Variants in GRIP1 observed in about 807,000 individuals in gnomAD.
GRIP1 encodes the protein glutamate receptor-interacting protein 1.
A neutral mutation model predicts 129.9 loss-of-function variants in GRIP1; 45 were observed. The ratio of observed to expected loss-of-function variants is 0.35; its 90% CI spans 0.27 to 0.44. GRIP1 has a LOEUF of 0.44. Among genes scored for constraint, GRIP1 ranks in the 20% least tolerant of loss-of-function variants. The probability of loss-of-function intolerance (pLI) is 1.00; values close to 1 mark genes in which losing one functional copy is unlikely to be tolerated. For missense variants in GRIP1, 1,196 were observed against 1,396.8 expected (o/e 0.86, Z 2.29); for synonymous variants, 530 against 520.8 (o/e 1.02, Z -0.24).
chr12:67,030,136 G>A (rs1005686644), intron 1 of GRIP1, among the ~76,000 whole-genome samples: 6 of 151,020 alleles, frequency 4.0e-5, no homozygotes, highest in Admixed American at 6.6e-5. Context: ...GCATGAACCC[G>A]GGAGGCAGAG....
intron 1 of GRIP1, among the ~76,000 whole-genome samples, chr12:66,816,728 T>C (rs2039225123): frequency 6.6e-6 from 1 of 152,160 alleles, no homozygotes; most frequent in Non-Finnish European, 1.5e-5. Flanking sequence ...CTTTTTATCC[T>C]ATATCAATGA....
intron 1 of GRIP1, among the ~76,000 whole-genome samples, chr12:66,910,888 T>C (rs1311369247): frequency 6.6e-6 from 1 of 152,140 alleles, no homozygotes; most frequent in Non-Finnish European, 1.5e-5. Flanking sequence ...TTTTACATAC[T>C]GGATCTCCAG....
chr12:66,591,950 A>G (rs1412642878), intron 2 of GRIP1, among the ~76,000 whole-genome samples: 1 of 152,162 alleles, frequency 6.6e-6, no homozygotes. Flanking sequence ...GAGAGTCTCA[A>G]TAGTAGAACT....
chr12:67,008,063 T>C (rs1252317918), intron 1 of GRIP1, among the ~76,000 whole-genome samples: 1 of 152,210 alleles, frequency 6.6e-6, no homozygotes, highest in African/African-American at 2.4e-5. Flanking sequence ...TCAATCATAA[T>C]AAAAGCTTCT....
chr12:66,852,075 G>T (rs1170150828), intron 1 of GRIP1, among the ~76,000 whole-genome samples: 1 of 151,918 alleles, frequency 6.6e-6, no homozygotes, highest in Non-Finnish European at 1.5e-5. Context: ...TGAACTTTAG[G>T]GGTTTACAGT....
At position 66,608,079 on chromosome 12, in the gene GRIP1, C is replaced by T. The variant is rs375455410; in HGVS notation, c.56-11152G>A. Reference sequence around the variant, plus strand: ...TGCCTTGGGAATAACATATTTCATACACATGACTTGAATTGTCACATATTT... The same window carrying T: ...TGCCTTGGGAATAACATATTTCATATACATGACTTGAATTGTCACATATTT... On this transcript the variant is annotated intron_variant, in intron 1 of 24. Coordinates refer to ENST00000359742, the MANE Select transcript of GRIP1 (RefSeq NM_001366722.1). Among the ~76,000 whole-genome samples, 81 of 152,262 alleles carry T rather than the reference C, an allele frequency of 5.3e-4. 1 individual carries two copies. In the South Asian group the frequency reaches 0.017, roughly 31 times the overall value.
chr12:66,587,717 G>A (rs2063693842), intron 2 of GRIP1, among the ~76,000 whole-genome samples: 1 of 152,214 alleles, frequency 6.6e-6, no homozygotes, highest in Non-Finnish European at 1.5e-5. Flanking sequence ...AGCAAGTAAA[G>A]GATGGGCCAG....
intron 13 of GRIP1, among the ~76,000 whole-genome samples, chr12:66,436,015 G>T (rs566332132): frequency 6.6e-6 from 1 of 152,158 alleles, no homozygotes; most frequent in Non-Finnish European, 1.5e-5. Context: ...AAGAGGAAAA[G>T]GTCCAATATT....
At chr12:66,605,462 CA>C (rs1329605476) in intron 1 of GRIP1, among the ~76,000 whole-genome samples, 65 of 152,184 alleles carry the variant, frequency 4.3e-4, no homozygotes, top group Middle Eastern at 3.4e-3. Flanking sequence ...GGAAAACAAG[CA>C]GCAGCAAAAT....
At chr12:66,720,921 C>T (rs77684971) in intron 1 of GRIP1, among the ~76,000 whole-genome samples, 3 of 152,198 alleles carry the variant, frequency 2.0e-5, no homozygotes, top group Non-Finnish European at 4.4e-5. Context: ...GTTCTGACTG[C>T]CATCTAGAAT....
At chr12:66,707,720 C>G (rs1274692511) in intron 1 of GRIP1, among the ~76,000 whole-genome samples, 1 of 151,902 alleles carries the variant, frequency 6.6e-6, no homozygotes, top group Non-Finnish European at 1.5e-5. Context: ...TGAAAGTCTT[C>G]ATAATTCAAC....
chr12:66,355,844 TC>T (rs1451405355), intron 23 of GRIP1, among the ~76,000 whole-genome samples: 1 of 152,192 alleles, frequency 6.6e-6, no homozygotes, highest in Admixed American at 6.5e-5. Context: ...AAAGGGCTTG[TC>T]CTGCACCTTA....
At chr12:66,654,967 CTTATT>C (rs1385143290) in intron 1 of GRIP1, among the ~76,000 whole-genome samples, 7 of 152,270 alleles carry the variant, frequency 4.6e-5, no homozygotes, top group East Asian at 3.9e-4. Context: ...TTTTTACATT[CTTATT>C]TTATTTTCAT....
intron 2 of GRIP1, among the ~76,000 whole-genome samples, chr12:66,588,294 G>T (rs2063719323): frequency 6.6e-6 from 1 of 151,972 alleles, no homozygotes; most frequent in Non-Finnish European, 1.5e-5. Context: ...CGCCTCCTCG[G>T]TTTCTCCTGG....
rs78785964 is a variant in GRIP1, at chr12:66,761,262, G to A, written c.-420+42791C>T. On this transcript the variant is annotated intron_variant, in intron 1 of 4. Transcript: ENST00000538373. ...CTTTTCTCCACTCAAAAATTTCCAC[G>A]GATTCTCCCTTGTGTCTTCCAAATT... 8.6e-3 allele frequency among the ~76,000 whole-genome samples: 1,302 copies of A among 151,914 alleles called. 15 individuals carry two copies. Among genetic ancestry groups the A allele is most frequent in the African/African-American group, 0.03 (1,251 of 41,396 alleles).
At chr12:66,585,035 GT>G (rs1030462627) in intron 2 of GRIP1, among the ~76,000 whole-genome samples, 5 of 151,060 alleles carry the variant, frequency 3.3e-5, no homozygotes, top group South Asian at 2.1e-4. Flanking sequence ...TGCCTCTTTT[GT>G]TTTTTTATAT....
chr12:66,681,797 A>T (rs1051613755), upstream of GRIP1, among the ~76,000 whole-genome samples: 4 of 152,164 alleles, frequency 2.6e-5, no homozygotes, highest in African/African-American at 9.7e-5. Context: ...ATACATGAAA[A>T]CATGGGTTTG....
chr12:67,053,680 T>C (rs1006338130), intron 1 of GRIP1, among the ~76,000 whole-genome samples: 10 of 150,474 alleles, frequency 6.6e-5, no homozygotes, highest in Non-Finnish European at 1.2e-4. Context: ...ACAAAAAAAA[T>C]ACAAAAAATT....
intron 1 of GRIP1, among the ~76,000 whole-genome samples, chr12:66,996,902 C>T (rs2135666920): frequency 6.6e-6 from 1 of 152,226 alleles, no homozygotes; most frequent in Admixed American, 6.5e-5. Flanking sequence ...AGAGGCTGCT[C>T]ACTTAAAAGG....
Sources: gnomAD v4.1 joint callset for allele counts (sites outside exome capture counted in the v4.1 genomes callset) on GRCh38, gnomAD v4.1.1 for gene constraint, MANE v1.5 for transcripts, NCBI Gene and HGNC (gene_info 2026-07-23, HGNC 2026-07-21) for gene names.